TRAPPC9: variants seen among roughly 807,000 people sequenced by gnomAD.
TRAPPC9 encodes trafficking protein particle complex subunit 9.
Under a neutral mutation model 124.0 loss-of-function variants are expected in TRAPPC9, and 83 were observed. That is an observed-to-expected ratio of 0.67 (90% CI 0.56 to 0.80). The LOEUF (loss-of-function observed/expected upper bound fraction) is 0.80, where lower values mean the gene tolerates loss of function less well. TRAPPC9 is among the 30% of genes least tolerant of loss of function. TRAPPC9 has a pLI of 0.00. For missense variants in TRAPPC9, 1,302 were observed against 1,508.3 expected (o/e 0.86, Z 2.27); for synonymous variants, 638 against 617.5 (o/e 1.03, Z -0.49).
intron 20 of TRAPPC9, among the ~76,000 whole-genome samples, chr8:139,893,946 C>T (rs147732782): frequency 2.3e-3 from 349 of 152,366 alleles, no homozygotes; most frequent in African/African-American, 7.2e-3. Flanking sequence ...CACAGGGGCA[C>T]GGGGCAGATG....
intron 21 of TRAPPC9, among the ~76,000 whole-genome samples, chr8:139,740,512 GTC>G (rs1010682061): frequency 1.6e-4 from 25 of 152,214 alleles, no homozygotes; most frequent in African/African-American, 5.1e-4. Context: ...GGTAAAGTGT[GTC>G]TCACTCAGCG....
intron 6 of TRAPPC9, among the ~76,000 whole-genome samples, chr8:140,402,314 G>A (rs915318739): frequency 2.0e-5 from 3 of 152,014 alleles, no homozygotes; most frequent in Middle Eastern, 3.4e-3. Flanking sequence ...GGGAGGATTG[G>A]TTGAGTGAAG....
intron 17 of TRAPPC9, among the ~76,000 whole-genome samples, chr8:140,148,228 C>G (rs1188970591): frequency 6.6e-6 from 1 of 152,180 alleles, no homozygotes; most frequent in African/African-American, 2.4e-5. Context: ...ATGTAAACAC[C>G]CAGATCATTT....
At chr8:139,741,191 CGGGCGTGATGCCCCCTCCCCT>C (rs1450178314) in intron 21 of TRAPPC9, among the ~76,000 whole-genome samples, 2 of 152,108 alleles carry the variant, frequency 1.3e-5, no homozygotes, top group East Asian at 1.9e-4. Context: ...AAGCTCCCCC[CGGGCGTGATGCCCCCTCCCCT>C]GGGCGTGGCA....
At chr8:139,764,381 C>T (rs900920603) in intron 21 of TRAPPC9, among the ~76,000 whole-genome samples, 4 of 152,158 alleles carry the variant, frequency 2.6e-5, no homozygotes, top group African/African-American at 7.2e-5. Flanking sequence ...GAACCTGAAG[C>T]AGTCCAGAAA....
Position 140,129,630 on chromosome 8 carries a change from C to G in TRAPPC9, c.2556+91829G>C, listed in dbSNP as rs532563977. On this transcript the variant is annotated intron_variant, in intron 17 of 22. Coordinates refer to ENST00000438773, the MANE Select transcript of TRAPPC9 (RefSeq NM_001160372.4). ...TGGGTACACACAGGAGGATTGAACA[C>G]CTAAGTCAGCAATGGAAGGATGGTG... Among the ~76,000 whole-genome samples the G allele has an allele frequency of 3.9e-5, 6 of 152,128 alleles. No individual in the cohort carries two copies. In the East Asian group the frequency reaches 1.2e-3, roughly 30 times the overall value.
At position 139,937,148 on chromosome 8, in the gene TRAPPC9, G is replaced by T. The variant is rs368820647; in HGVS notation, c.2811-26848C>A. 1.1e-3 allele frequency among the ~76,000 whole-genome samples: 172 copies of T among 152,256 alleles called. 3 individuals carry two copies. The highest frequency in any genetic ancestry group is 3.8e-3 in the African/African-American group (158 of 41,538). ...ACCATACCTTGCTGCATCCCAGGAGGGGGCTGCTTTAGCCCCCTGTGTCTA... is the reference window on the plus strand; with the variant it reads ...ACCATACCTTGCTGCATCCCAGGAGTGGGCTGCTTTAGCCCCCTGTGTCTA... On this transcript the variant is annotated intron_variant, in intron 19 of 22. Transcript: ENST00000438773.
chr8:140,412,242 C>G (rs1415675184), intron 5 of TRAPPC9, among the ~76,000 whole-genome samples: 1 of 152,160 alleles, frequency 6.6e-6, no homozygotes, highest in Non-Finnish European at 1.5e-5. Context: ...TGCAAAACCT[C>G]ATAATCAAAA....
chr8:139,799,935 G>A (rs1156244047), intron 21 of TRAPPC9, among the ~76,000 whole-genome samples: 1 of 152,266 alleles, frequency 6.6e-6, no homozygotes, highest in Non-Finnish European at 1.5e-5. Flanking sequence ...CTAATCACGA[G>A]AGGGAAGTGA....
Position 140,371,191 on chromosome 8 carries a change from G to A in TRAPPC9, c.1135-11C>T, listed in dbSNP as rs748057703. On this transcript the variant is annotated splice_polypyrimidine_tract_variant and intron_variant, in intron 7 of 22. Coordinates refer to ENST00000438773, the MANE Select transcript of TRAPPC9 (RefSeq NM_001160372.4). ...CTCTTCCTCAGAAAGCTGAAGCACA[G>A]AGAGAAAGTAAAAAGCTTTTGAAAG... 5.6e-6 allele frequency: 9 copies of A among 1,602,316 alleles called. No individual in the cohort carries two copies. In the African/African-American group the frequency reaches 9.4e-5, roughly 17 times the overall value.
chr8:140,065,490 T>C (rs886579139), intron 17 of TRAPPC9, among the ~76,000 whole-genome samples: 30 of 152,188 alleles, frequency 2.0e-4, no homozygotes, highest in African/African-American at 6.8e-4. Flanking sequence ...ATGCCTGGCT[T>C]CAAAGCTTGA....
intron 1 of TRAPPC9, among the ~76,000 whole-genome samples, chr8:140,456,411 CA>C (rs11325292): frequency 0.58 from 68,104 of 118,056 alleles, 15,904 homozygotes; most frequent in Middle Eastern, 0.6. Context: ...GACTCCGTCT[CA>C]AAAAAAAAAA....
intron 21 of TRAPPC9, among the ~76,000 whole-genome samples, chr8:139,743,716 T>C (rs922759571): frequency 6.6e-6 from 1 of 152,130 alleles, no homozygotes; most frequent in Non-Finnish European, 1.5e-5. Context: ...TTCCTGCCCT[T>C]CACCAACACC....
rs1177962580 is a variant in TRAPPC9 at position 140,252,783 on chromosome 8, T to C, written c.2425A>G (p.Ser809Gly). 5 of 1,613,838 alleles carry C rather than the reference T, an allele frequency of 3.1e-6. No individual in the cohort carries two copies. The highest frequency in any genetic ancestry group is 2.5e-6 in the Non-Finnish European group (3 of 1,180,022). ...SCQENLLQDL[S>G]DDGISVSGFP... ...AAATTAGGAAAGCGCTTACCATCAC[T>C]GAGATCCTGCAGGAGATTCTCCTGG... The change falls in exon 16 of 23, where the codon AGT becomes GGT. Residue 809 changes from serine to glycine, a missense_variant. Around this residue, in one of 3 missense-constraint regions of TRAPPC9, gnomAD observed 640 missense variants for 679.3 expected, o/e 0.94. Coordinates refer to ENST00000438773, the MANE Select transcript of TRAPPC9 (RefSeq NM_001160372.4). This position sits in a 1 kb window ranked among gnomAD's most constrained non-coding sequence, Gnocchi z 4.2.
In TRAPPC9 at chr8:140,457,723, C is replaced by G; in HGVS notation, c.-95G>C. On this transcript the variant is annotated 5_prime_UTR_variant, in exon 1 of 23. Coordinates refer to ENST00000438773, the MANE Select transcript of TRAPPC9 (RefSeq NM_001160372.4). ...GCAGCCTCTGCGGCCACTTCCCAGG[C>G]TCTGGGCTGGCGCTTCCTACTGGCG... 1 of 993,632 alleles carries G rather than the reference C, an allele frequency of 1.0e-6. No homozygotes were observed. Among genetic ancestry groups the G allele is most frequent in the Non-Finnish European group, 1.2e-6 (1 of 834,994 alleles). The allele number at this position is 993,632 out of a possible 1,614,324, so 61.6% of individuals were successfully genotyped here. A position where few individuals can be genotyped will look rare whatever the true frequency, so the allele number is the denominator to read the frequency against.
Position 139,885,974 on chromosome 8 carries a change from G to A in TRAPPC9, c.2965-5C>T, listed in dbSNP as rs1455939683. 6.4e-7 allele frequency: 1 copy of A among 1,561,686 alleles called. No individual in the cohort carries two copies. The highest frequency in any genetic ancestry group is 8.7e-7 in the Non-Finnish European group (1 of 1,152,274). On this transcript the variant is annotated splice_region_variant and splice_polypyrimidine_tract_variant and intron_variant, in intron 20 of 22. Coordinates refer to ENST00000438773, the MANE Select transcript of TRAPPC9 (RefSeq NM_001160372.4). ...GCCACTGCGCTTCAGGGAGGGGTGA[G>A]CCTTGGTCAAGGAAAACGCAACTCC...
intron 19 of TRAPPC9, among the ~76,000 whole-genome samples, chr8:139,936,822 T>C (rs1476236316): frequency 1.1e-5 from 1 of 89,766 alleles, no homozygotes; most frequent in Non-Finnish European, 2.1e-5. Context: ...GTATAAAGCA[T>C]GGAGAGAGTG....
At chr8:139,876,621 T>G (rs1380872493) in intron 21 of TRAPPC9, among the ~76,000 whole-genome samples, 1 of 152,202 alleles carries the variant, frequency 6.6e-6, no homozygotes, top group African/African-American at 2.4e-5. Context: ...TCCCCAGCAC[T>G]GAGGACAGTG....
At chr8:139,743,761 G>A (rs1353872859) in intron 21 of TRAPPC9, among the ~76,000 whole-genome samples, 1 of 152,174 alleles carries the variant, frequency 6.6e-6, no homozygotes, top group Non-Finnish European at 1.5e-5. Context: ...GGGCAGGCAG[G>A]CACATCCCAT....
Sources: allele counts gnomAD v4.1 joint callset (sites outside exome capture counted in the v4.1 genomes callset), GRCh38; gene constraint gnomAD v4.1.1; regional missense constraint gnomAD v4.1.1; non-coding constraint Gnocchi (gnomAD v3.1); transcripts MANE v1.5; gene names NCBI Gene and HGNC (gene_info 2026-07-23, HGNC 2026-07-21).